ULK1: variants seen among roughly 807,000 people sequenced by gnomAD.
The protein encoded by ULK1 is serine/threonine-protein kinase ULK1.
Under a neutral mutation model 117.5 loss-of-function variants are expected in ULK1, and 48 were observed. The ratio of observed to expected loss-of-function variants is 0.41; its 90% CI spans 0.32 to 0.52. The LOEUF (loss-of-function observed/expected upper bound fraction) is 0.52, where lower values mean the gene tolerates loss of function less well. ULK1 is among the 20% of genes least tolerant of loss of function. ULK1 has a pLI of 0.29. For missense variants in ULK1, 1,387 were observed against 1,473.4 expected (o/e 0.94, Z 0.96); for synonymous variants, 790 against 637.8 (o/e 1.24, Z -3.60).
chr12:131,920,938 C>T (rs1566131447), intron 26 of ULK1, 162 bp from the exon 27 acceptor site: 10 of 1,022,800 alleles, frequency 9.8e-6, no homozygotes, highest in Non-Finnish European at 1.4e-5. Flanking sequence ...GGCCCTGTGA[C>T]CATCCCCTCT....
intron 3 of ULK1, among the ~76,000 whole-genome samples, chr12:131,906,318 T>C (rs1177809093): frequency 6.6e-6 from 1 of 152,150 alleles, no homozygotes; most frequent in Admixed American, 6.5e-5. Flanking sequence ...CTCGAACTGC[T>C]GACCTCATGA....
intron 26 of ULK1, chr12:131,920,432 A>C: frequency 5.3e-6 from 2 of 377,756 alleles, no homozygotes; most frequent in South Asian, 6.4e-5. Context: ...GTCAGGTGTC[A>C]GCCTCCAGAA....
In ULK1 at chr12:131,902,243, T is replaced by G. The variant is rs113181318; in HGVS notation, c.247-4649T>G. 2.0e-5 allele frequency among the ~76,000 whole-genome samples: 3 copies of G among 152,024 alleles called. No individual in the cohort carries two copies. Among genetic ancestry groups the G allele is most frequent in the Non-Finnish European group, 4.4e-5 (3 of 67,986 alleles). ...GTTCTGTCCAGCCACAGCTGTGGCTTTTGCCACTTTCCGGAGCCAGCTCTG... is the reference window on the plus strand; with the variant it reads ...GTTCTGTCCAGCCACAGCTGTGGCTGTTGCCACTTTCCGGAGCCAGCTCTG... On this transcript the variant is annotated intron_variant, in intron 3 of 27. Transcript: ENST00000321867. The surrounding 1 kb of genome is among the most constrained non-coding windows in gnomAD (Gnocchi z 6.3).
At chr12:131,910,201 CT>C (rs1889472092) in intron 10 of ULK1, 52 bp from the exon 11 acceptor site, 1 of 1,609,388 alleles carries the variant, frequency 6.2e-7, no homozygotes, top group African/African-American at 1.3e-5. Context: ...AGGCAGGGGC[CT>C]GGGGTCAGAG....
At position 131,920,025 on chromosome 12, in the gene ULK1, C is replaced by T. The variant is rs1477070978; in HGVS notation, c.2850C>T (p.Cys950=). The T allele has an allele frequency of 6.2e-7, 1 of 1,612,856 alleles. No homozygotes were observed. The highest frequency in any genetic ancestry group is 2.2e-5 in the East Asian group (1 of 44,888). The change falls in exon 26 of 28, where the codon TGC becomes TGT. Residue 950 remains cysteine (C), a synonymous_variant. Transcript: ENST00000321867. Reference sequence around the variant, plus strand: ...TGTACAAGGCCAGCGTGGTGTCCTGCCAGGGCCTGAGCCTGCGGCTGCAGC... The same window carrying T: ...TGTACAAGGCCAGCGTGGTGTCCTGTCAGGGCCTGAGCCTGCGGCTGCAGC... ...NELYKASVVS[C]QGLSLRLQRF...
intron 3 of ULK1, among the ~76,000 whole-genome samples, chr12:131,905,640 G>A (rs1041538247): frequency 6.6e-6 from 1 of 152,126 alleles, no homozygotes; most frequent in Admixed American, 6.5e-5. Context: ...AGGTGTGTGG[G>A]GCCCTTGCTC....
chr12:131,921,059 G>A (rs376577553), intron 26 of ULK1, 41 bp from the exon 27 acceptor site: 476 of 1,542,836 alleles, frequency 3.1e-4, no homozygotes, highest in Middle Eastern at 1.2e-3. Flanking sequence ...GGGAGGGAGT[G>A]GGGTGAGCTG....
rs1043613953 is a variant in ULK1, at chr12:131,917,414, C to T, written c.2186C>T (p.Pro729Leu). ...GAGCCCTTCCTTGCTCTCCCAGCAC[C>T]CTCAGCTGGCTTTGGAGGGAGCCTG... ...SLQEKPMEIA[P>L]SAGFGGSLHP... The change falls in exon 22 of 28, where the codon CCC becomes CTC. Residue 729 changes from proline to leucine, a missense_variant. This residue lies in a region of ULK1 where 900 missense variants were observed against 858.9 expected (regional missense o/e 1.05). Transcript: ENST00000321867. 8 of 1,519,122 alleles carry T rather than the reference C, an allele frequency of 5.3e-6. No individual in the cohort carries two copies. Among genetic ancestry groups the T allele is most frequent in the African/African-American group, 1.4e-5 (1 of 70,758 alleles). 94.1% of individuals were successfully genotyped at this position (1,519,122 alleles called of 1,614,324 possible).
chr12:131,909,860 C>G (rs771468171), intron 9 of ULK1, 27 bp downstream of exon 9: 2 of 1,610,806 alleles, frequency 1.2e-6, no homozygotes, highest in East Asian at 4.5e-5. Context: ...CTTCCCTTCC[C>G]TTCCCCCGCG....
chr12:131,895,202 C>A, intron 1 of ULK1, 90 bp downstream of exon 1: 1 of 996,654 alleles, frequency 1.0e-6, no homozygotes, highest in Non-Finnish European at 1.4e-6. Context: ...CCCGGGACCC[C>A]CCCACGCCTC....
chr12:131,914,165 G>A (rs574804456), intron 15 of ULK1, among the ~76,000 whole-genome samples, 187 bp from the exon 16 acceptor site: 22 of 152,348 alleles, frequency 1.4e-4, no homozygotes, highest in Admixed American at 2.6e-4. Flanking sequence ...TGGGGTGCAG[G>A]TGCCACATTT....
At position 131,919,253 on chromosome 12, in the gene ULK1, G is replaced by T; in HGVS notation, c.2553G>T (p.Leu851=). Residue 851 remains leucine, a synonymous_variant, in exon 24 of 28, where the codon CTG becomes CTT. Coordinates refer to ENST00000321867, the MANE Select transcript of ULK1 (RefSeq NM_003565.4). ...TEILRGLRFT[L]LFVQHVLEIA... ...TCCTGCGTGGCCTGCGCTTCACGCT[G>T]CTGTTCGTGCAGCACGTCCTGGAGA... is the stretch of plus-strand genomic sequence containing the variant. 1 of 1,598,074 alleles carries T rather than the reference G, an allele frequency of 6.3e-7. No homozygotes were observed.
rs1219290878 is a variant in ULK1 at position 131,903,086 on chromosome 12, C to A, written c.247-3806C>A. ...GAGGCTGTGCTCTCACCTGACCCCC[C>A]TCAAGAGCCCTAGAGAGAGTCGCTG... On this transcript the variant is annotated intron_variant, in intron 3 of 27. Coordinates refer to ENST00000321867, the MANE Select transcript of ULK1 (RefSeq NM_003565.4). The surrounding 1 kb of genome is among the most constrained non-coding windows in gnomAD (Gnocchi z 6.0). Among the ~76,000 whole-genome samples, 3 of 152,142 alleles carry A rather than the reference C, an allele frequency of 2.0e-5. No individual in the cohort carries two copies. Among genetic ancestry groups the A allele is most frequent in the African/African-American group, 7.2e-5 (3 of 41,424 alleles).
In ULK1 at chr12:131,910,276, C is replaced by T. The variant is rs1889475964; in HGVS notation, c.831C>T (p.Phe277=). ...MDFDEFFHHP[F]LDASPSVRKS... ...CAGATGAGTTTTTTCATCACCCTTT[C>T]CTCGATGCCAGCCCCTCGGTCAGGA... is the stretch of plus-strand genomic sequence containing the variant. The change falls in exon 11 of 28, where the codon TTC becomes TTT. Residue 277 remains phenylalanine, a synonymous_variant. Coordinates refer to ENST00000321867, the MANE Select transcript of ULK1 (RefSeq NM_003565.4). The T allele has an allele frequency of 6.2e-7, 1 of 1,613,830 alleles. No homozygotes were observed. The highest frequency in any genetic ancestry group is 8.5e-7 in the Non-Finnish European group (1 of 1,179,982).
chr12:131,906,717 C>A (rs1247368132), intron 3 of ULK1, 175 bp from the exon 4 acceptor site: 6 of 739,538 alleles, frequency 8.1e-6, no homozygotes, highest in African/African-American at 1.7e-5. Context: ...CAAAACAGAA[C>A]ACACCCACCT....
rs541333651 is a variant in ULK1, at chr12:131,922,016, G to A, written c.*655G>A. 8.1e-5 allele frequency: 37 copies of A among 454,658 alleles called. 1 individual carries two copies. The highest frequency in any genetic ancestry group is 5.1e-4 in the South Asian group (33 of 64,492). The allele number at this position is 454,658 out of a possible 1,614,324, so 28.2% of individuals were successfully genotyped here. The stretch of plus-strand genomic sequence containing the variant: ...ACCTCAGCGGGAGAACTGGCTCCGG[G>A]GGGAGTGGGGCCCTGCGCTAGAGGC... On this transcript the variant is annotated 3_prime_UTR_variant, in exon 28 of 28. Transcript: ENST00000321867.
intron 22 of ULK1, 71 bp downstream of exon 22, chr12:131,917,625 CT>C: frequency 7.7e-7 from 1 of 1,293,358 alleles, no homozygotes. Flanking sequence ...CGGGGGCATC[CT>C]TTAACTCGGG....
Position 131,912,038 on chromosome 12 carries a change from G to A in ULK1, c.1045G>A (p.Asp349Asn), listed in dbSNP as rs1889560639. 3 of 1,612,878 alleles carry A rather than the reference G, an allele frequency of 1.9e-6. 1 individual carries two copies. The highest frequency in any genetic ancestry group is 2.2e-5 in the South Asian group (2 of 91,076). Residue 349 changes from aspartate to asparagine, a missense_variant, in exon 13 of 28, where the codon GAC becomes AAC. Transcript: ENST00000321867. ...HSSRDSGGSK[D>N]SSCDTDDFVM... ...CTCCCGGGACTCTGGTGGCAGCAAG[G>A]ACTCTTCCTGTGACACAGACGACTT... is the stretch of plus-strand genomic sequence containing the variant.
chr12:131,919,403 G>A lies in ULK1; in HGVS notation c.2684+19G>A. The A allele has an allele frequency of 6.4e-7, 1 of 1,560,642 alleles. No homozygotes were observed. The highest frequency in any genetic ancestry group is 1.2e-5 in the South Asian group (1 of 86,856). On this transcript the variant is annotated intron_variant, in intron 24 of 27. Coordinates refer to ENST00000321867, the MANE Select transcript of ULK1 (RefSeq NM_003565.4). The stretch of plus-strand genomic sequence containing the variant: ...AATGGGGGTGGGTGCCGCCAGGGCT[G>A]GGGTGGGGCGGGTGGTGGCCTGGGG...
Sources: gnomAD v4.1 joint callset for allele counts (sites outside exome capture counted in the v4.1 genomes callset) on GRCh38, gnomAD v4.1.1 for gene constraint, gnomAD v4.1.1 regional missense constraint, Gnocchi (gnomAD v3.1) non-coding constraint, MANE v1.5 for transcripts, NCBI Gene and HGNC (gene_info 2026-07-23, HGNC 2026-07-21) for gene names.